Variants in KCNIP4 observed in about 807,000 individuals in gnomAD.
KCNIP4 encodes the protein Kv channel-interacting protein 4.
In KCNIP4, 12 loss-of-function variants were observed where a neutral mutation model predicts 34.0. The ratio of observed to expected loss-of-function variants is 0.35; its 90% CI spans 0.23 to 0.57. The LOEUF is 0.57. Ranked by LOEUF, KCNIP4 falls within the 20% of genes least tolerant of loss-of-function variation. KCNIP4 has a pLI of 0.83. For missense variants in KCNIP4, 238 were observed against 311.7 expected, an observed-to-expected ratio of 0.76 and a Z score of 1.78; for synonymous variants, 124 against 102.2, an observed-to-expected ratio of 1.21 and a Z score of -1.29.
At chr4:21,688,852 C>T (rs1029867063) in intron 1 of KCNIP4, among the ~76,000 whole-genome samples, 2 of 151,876 alleles carry the variant, frequency 1.3e-5, no homozygotes, top group African/African-American at 2.4e-5. Context: ...CTGCTTGGCT[C>T]CCCTCTCATA....
At chr4:21,264,149 C>A (rs899916426) in intron 1 of KCNIP4, among the ~76,000 whole-genome samples, 1 of 78,344 alleles carries the variant, frequency 1.3e-5, no homozygotes, top group African/African-American at 4.9e-5. Flanking sequence ...CTACACATCC[C>A]AATTTCTACC....
At chr4:21,300,230 T>C (rs2109238702) in intron 1 of KCNIP4, among the ~76,000 whole-genome samples, 1 of 152,330 alleles carries the variant, frequency 6.6e-6, no homozygotes, top group East Asian at 1.9e-4. Context: ...ATTAAAATTT[T>C]GATTCAATTT....
chr4:21,038,720 G>A (rs969520819), intron 1 of KCNIP4, among the ~76,000 whole-genome samples: 2 of 152,214 alleles, frequency 1.3e-5, no homozygotes, highest in African/African-American at 4.8e-5. Context: ...CATTCAACTA[G>A]CACACATTAA....
chr4:21,897,104 T>C lies in KCNIP4; in HGVS notation c.61+51467A>G, dbSNP rs566675009. On this transcript the variant is annotated intron_variant, in intron 1 of 8. Coordinates refer to ENST00000382152, the MANE Select transcript of KCNIP4 (RefSeq NM_025221.6). ...GGTGGTATTTTTGTGTAAAGCTTTA[T>C]ATAAGACTTTAAAATTTATGCTTTA... Among the ~76,000 whole-genome samples the C allele has an allele frequency of 1.0e-3, 155 of 152,204 alleles. 1 individual carries two copies. The highest frequency in any genetic ancestry group is 3.7e-3 in the African/African-American group (152 of 41,550).
chr4:20,815,640 C>T (rs759972100), intron 3 of KCNIP4, among the ~76,000 whole-genome samples: 16 of 152,166 alleles, frequency 1.1e-4, no homozygotes, highest in Non-Finnish European at 1.9e-4. Flanking sequence ...TACTGGAATG[C>T]TAACTTCTTG....
intron 1 of KCNIP4, among the ~76,000 whole-genome samples, chr4:21,796,582 C>A (rs988024113): frequency 2.6e-5 from 4 of 152,192 alleles, no homozygotes. Flanking sequence ...AGATAATGAG[C>A]CATTTCTTAA....
intron 1 of KCNIP4, among the ~76,000 whole-genome samples, chr4:21,072,118 T>C (rs1292171505): frequency 1.3e-5 from 2 of 152,240 alleles, no homozygotes; most frequent in African/African-American, 4.8e-5. Flanking sequence ...GGCATGTGTC[T>C]TTATAACAAC....
chr4:20,864,988 C>T (rs976356318), intron 2 of KCNIP4, among the ~76,000 whole-genome samples: 3 of 152,098 alleles, frequency 2.0e-5, no homozygotes, highest in Non-Finnish European at 1.5e-5. Context: ...AAGGAGCATA[C>T]ACTGGAAGGA....
chr4:20,903,301 A>G (rs1727370670), intron 1 of KCNIP4, among the ~76,000 whole-genome samples: 1 of 152,106 alleles, frequency 6.6e-6, no homozygotes, highest in African/African-American at 2.4e-5. Flanking sequence ...AGAAATGTTT[A>G]TTTTGCACCA....
chr4:20,796,922 G>A (rs1463555415), intron 3 of KCNIP4, among the ~76,000 whole-genome samples: 1 of 152,106 alleles, frequency 6.6e-6, no homozygotes, highest in African/African-American at 2.4e-5. Flanking sequence ...ATAAACAACA[G>A]TTACTTTCCA....
At chr4:20,980,722 C>T (rs1735982470) in intron 1 of KCNIP4, among the ~76,000 whole-genome samples, 1 of 151,956 alleles carries the variant, frequency 6.6e-6, no homozygotes, top group Admixed American at 6.6e-5. Flanking sequence ...GGTATCACTG[C>T]TTCCTGAGGA....
At chr4:21,108,176 G>C (rs1356242371) in intron 1 of KCNIP4, among the ~76,000 whole-genome samples, 2 of 151,292 alleles carry the variant, frequency 1.3e-5, no homozygotes, top group Non-Finnish European at 2.9e-5. Context: ...AGTTCTCCTG[G>C]ATAATATCCT....
intron 3 of KCNIP4, among the ~76,000 whole-genome samples, chr4:20,784,532 TTTCA>T (rs1711664009): frequency 6.6e-6 from 1 of 152,196 alleles, no homozygotes; most frequent in Non-Finnish European, 1.5e-5. Context: ...AGGTTGGGAC[TTTCA>T]TTCTGGAAGT....
intron 2 of KCNIP4, among the ~76,000 whole-genome samples, chr4:20,857,730 T>C (rs558321177): frequency 1.3e-5 from 2 of 151,986 alleles, no homozygotes; most frequent in South Asian, 2.1e-4. Flanking sequence ...AATGATAACC[T>C]CTCCTCTCTT....
chr4:21,027,388 C>T (rs974541338), intron 1 of KCNIP4, among the ~76,000 whole-genome samples: 1 of 151,838 alleles, frequency 6.6e-6, no homozygotes, highest in Non-Finnish European at 1.5e-5. Context: ...CTTCGTCACC[C>T]CTGGGTTAAA....
At chr4:21,113,803 CA>C (rs1439104098) in intron 1 of KCNIP4, among the ~76,000 whole-genome samples, 1 of 152,158 alleles carries the variant, frequency 6.6e-6, no homozygotes, top group African/African-American at 2.4e-5. Context: ...CATAAAAACA[CA>C]AGGCGTTTCT....
chr4:20,756,198 T>C (rs1578543738), intron 4 of KCNIP4, among the ~76,000 whole-genome samples: 1 of 150,420 alleles, frequency 6.6e-6, no homozygotes, highest in South Asian at 2.1e-4. Flanking sequence ...GTTGGCAAGG[T>C]CAATGGCAAA....
intron 1 of KCNIP4, among the ~76,000 whole-genome samples, chr4:21,049,192 C>A (rs969181313): frequency 6.6e-6 from 1 of 151,586 alleles, no homozygotes; most frequent in Non-Finnish European, 1.5e-5. Context: ...CCTCGTGATC[C>A]GCCCGCCTCG....
intron 1 of KCNIP4, among the ~76,000 whole-genome samples, chr4:21,881,285 G>A (rs189340638): frequency 1.3e-4 from 20 of 152,134 alleles, no homozygotes; most frequent in Non-Finnish European, 2.1e-4. Flanking sequence ...ATGAATAAAC[G>A]TGCTATCATA....
Sources: allele counts gnomAD v4.1 joint callset (sites outside exome capture counted in the v4.1 genomes callset), GRCh38; gene constraint gnomAD v4.1.1; transcripts MANE v1.5; gene names NCBI Gene and HGNC (gene_info 2026-07-23, HGNC 2026-07-21).